CNTNAP2: variants seen among roughly 807,000 people sequenced by gnomAD.
The protein encoded by CNTNAP2 is contactin associated protein 2.
CNTNAP2 carries 98 observed loss-of-function variants against 155.2 expected under a neutral mutation model. The ratio of observed to expected loss-of-function variants is 0.63; its 90% CI spans 0.54 to 0.75. CNTNAP2 has a LOEUF of 0.75. CNTNAP2 is among the 30% of genes least tolerant of loss of function. The pLI is 0.00. For synonymous variants in CNTNAP2, 651 were observed against 631.2 expected (o/e 1.03, Z -0.47); for missense variants, 1,727 against 1,688.1 (o/e 1.02, Z -0.40).
intron 1 of CNTNAP2, among the ~76,000 whole-genome samples, chr7:146,172,342 T>G (rs1190273026): frequency 6.6e-6 from 1 of 151,946 alleles, no homozygotes; most frequent in Non-Finnish European, 1.5e-5. Flanking sequence ...CTGCTAAATA[T>G]CCTACTGTGT....
intron 14 of CNTNAP2, among the ~76,000 whole-genome samples, chr7:147,929,584 A>G (rs1800461756): frequency 6.6e-6 from 1 of 152,220 alleles, no homozygotes. Flanking sequence ...TCCATTATCT[A>G]CTAACTTCTG....
chr7:146,304,316 T>C (rs562199348), intron 1 of CNTNAP2, among the ~76,000 whole-genome samples: 1 of 152,272 alleles, frequency 6.6e-6, no homozygotes, highest in South Asian at 2.1e-4. Context: ...GTCATTGTGA[T>C]GTTAGCTGGC....
intron 15 of CNTNAP2, among the ~76,000 whole-genome samples, chr7:148,087,823 G>T (rs971954474): frequency 1.3e-5 from 2 of 152,028 alleles, no homozygotes; most frequent in African/African-American, 4.8e-5. Context: ...AACCAGTGCT[G>T]CTGCTTAACT....
chr7:147,258,880 T>C (rs1291107460), intron 8 of CNTNAP2, among the ~76,000 whole-genome samples: 1 of 152,204 alleles, frequency 6.6e-6, no homozygotes, highest in Non-Finnish European at 1.5e-5. Flanking sequence ...TGTTCCCACA[T>C]TCCCTTTTCT....
chr7:148,382,911 C>T (rs1263136840), intron 21 of CNTNAP2, among the ~76,000 whole-genome samples: 3 of 152,304 alleles, frequency 2.0e-5, no homozygotes, highest in Non-Finnish European at 4.4e-5. Flanking sequence ...GGTATAACAA[C>T]GTGTGGGTAC....
chr7:146,466,028 G>C (rs772238216), intron 1 of CNTNAP2, among the ~76,000 whole-genome samples: 1 of 152,082 alleles, frequency 6.6e-6, no homozygotes, highest in Non-Finnish European at 1.5e-5. Context: ...TTGGACCTCT[G>C]GTCTGGTTTT....
intron 12 of CNTNAP2, among the ~76,000 whole-genome samples, chr7:147,590,759 A>C (rs1290340018): frequency 1.3e-5 from 2 of 152,228 alleles, no homozygotes; most frequent in Non-Finnish European, 2.9e-5. Context: ...AGGCAGATTC[A>C]GAGAAGTAGA....
At chr7:146,588,479 A>G (rs1798730481) in intron 1 of CNTNAP2, among the ~76,000 whole-genome samples, 1 of 151,626 alleles carries the variant, frequency 6.6e-6, no homozygotes, top group African/African-American at 2.4e-5. Flanking sequence ...AAACAAAACA[A>G]AATATACCAC....
At chr7:148,069,818 C>G (rs1432084009) in intron 15 of CNTNAP2, among the ~76,000 whole-genome samples, 1 of 151,356 alleles carries the variant, frequency 6.6e-6, no homozygotes, top group Non-Finnish European at 1.5e-5. Context: ...GCATCTCCAT[C>G]TCAACTCTCT....
chr7:148,242,810 A>G (rs1290294764), intron 20 of CNTNAP2, among the ~76,000 whole-genome samples: 2 of 152,234 alleles, frequency 1.3e-5, no homozygotes, highest in Admixed American at 1.3e-4. Context: ...TGCACATTCA[A>G]TGAGCTTGGC....
chr7:148,106,606 C>T (rs986369769), intron 15 of CNTNAP2, among the ~76,000 whole-genome samples: 4 of 151,288 alleles, frequency 2.6e-5, no homozygotes, highest in African/African-American at 4.9e-5. Flanking sequence ...AGCAATCCAC[C>T]GGCTTCAGCC....
intron 19 of CNTNAP2, among the ~76,000 whole-genome samples, chr7:148,220,982 G>A (rs531241629): frequency 6.9e-4 from 105 of 152,156 alleles, no homozygotes; most frequent in Non-Finnish European, 7.5e-4. Flanking sequence ...CAAGAAGTTG[G>A]TGAACACATT....
chr7:146,864,237 T>G (rs2129205816), intron 3 of CNTNAP2, among the ~76,000 whole-genome samples: 1 of 152,234 alleles, frequency 6.6e-6, no homozygotes, highest in African/African-American at 2.4e-5. Context: ...CCAATAATTT[T>G]TATATAAAGA....
chr7:146,281,014 G>A (rs1463250981), intron 1 of CNTNAP2, among the ~76,000 whole-genome samples: 1 of 152,092 alleles, frequency 6.6e-6, no homozygotes, highest in Admixed American at 6.6e-5. Flanking sequence ...TGGAAACCTT[G>A]GCCATCTTGC....
At position 147,372,860 on chromosome 7, in the gene CNTNAP2, A is replaced by G. The variant is rs562742727; in HGVS notation, c.1499-22749A>G. ...ATGGCCCAGCCAATGGAAACCCACT[A>G]CTTAACATCCTGGCAAAGCTCCCTG... On this transcript the variant is annotated intron_variant, in intron 9 of 23. Transcript: ENST00000361727. 2.6e-5 allele frequency among the ~76,000 whole-genome samples: 4 copies of G among 152,140 alleles called. No individual in the cohort carries two copies. The South Asian group carries it at 6.2e-4, about 24-fold the overall frequency.
intron 10 of CNTNAP2, among the ~76,000 whole-genome samples, chr7:147,414,252 C>T (rs1044173580): frequency 5.3e-5 from 8 of 151,672 alleles, no homozygotes; most frequent in Middle Eastern, 3.2e-3. Context: ...TGCTGAAACC[C>T]GTGTCTGCTA....
intron 12 of CNTNAP2, among the ~76,000 whole-genome samples, chr7:147,579,082 T>C (rs1380583114): frequency 6.6e-6 from 1 of 152,132 alleles, no homozygotes; most frequent in Non-Finnish European, 1.5e-5. Context: ...TTGACGTGGT[T>C]CCAAATCTCT....
At chr7:147,535,061 T>G (rs1003206046) in intron 11 of CNTNAP2, among the ~76,000 whole-genome samples, 2 of 152,088 alleles carry the variant, frequency 1.3e-5, no homozygotes, top group African/African-American at 4.8e-5. Context: ...AGGGGGTTAT[T>G]AAATATTGAA....
rs576311860 is a variant in CNTNAP2, at chr7:148,367,024, A to C, written c.3476-16625A>C. 6.6e-5 allele frequency among the ~76,000 whole-genome samples: 10 copies of C among 152,252 alleles called. No individual in the cohort carries two copies. The East Asian group carries it at 1.9e-3, about 29-fold the overall frequency. ...CAGGAAGGCGGATCACGAGGTGAAGAGATTGAGACCACTCTGGCCAACATG... is the reference window on the plus strand; with the variant it reads ...CAGGAAGGCGGATCACGAGGTGAAGCGATTGAGACCACTCTGGCCAACATG... On this transcript the variant is annotated intron_variant, in intron 21 of 23. Coordinates refer to ENST00000361727, the MANE Select transcript of CNTNAP2 (RefSeq NM_014141.6).
Sources: allele counts gnomAD v4.1 joint callset (sites outside exome capture counted in the v4.1 genomes callset), GRCh38; gene constraint gnomAD v4.1.1; transcripts MANE v1.5; gene names NCBI Gene and HGNC (gene_info 2026-07-23, HGNC 2026-07-21).